Variants in NEB observed in about 807,000 individuals in gnomAD.
NEB encodes nemaline myopathy type 2.
Under a neutral mutation model 952.2 loss-of-function variants are expected in NEB, and 512 were observed. The ratio of observed to expected loss-of-function variants is 0.54; its 90% confidence interval spans 0.50 to 0.58. The LOEUF (loss-of-function observed/expected upper bound fraction) is 0.58, where lower values mean the gene tolerates loss of function less well. NEB is among the 20% of genes least tolerant of loss of function. The probability of loss-of-function intolerance (pLI) is 0.00; values close to 1 mark genes in which losing one functional copy is unlikely to be tolerated. For synonymous variants in NEB, 2,900 were observed against 3,149.8 expected (o/e 0.92, Z 2.66); for missense variants, 8,428 against 9,231.1 (o/e 0.91, Z 3.56).
At chr2:151,612,608 CTCTTTAATGCTAT>C (rs2153984334) in intron 77 of NEB, among the ~76,000 whole-genome samples, 1 of 152,262 alleles carries the variant, frequency 6.6e-6, no homozygotes, top group Admixed American at 6.5e-5. Flanking sequence ...TCATAAAAAT[CTCTTTAATGCTAT>C]TCATTTTCAG....
At chr2:151,504,325 G>C (rs969989420) in intron 165 of NEB, among the ~76,000 whole-genome samples, 1 of 152,124 alleles carries the variant, frequency 6.6e-6, no homozygotes, top group African/African-American at 2.4e-5. Flanking sequence ...TAACAAAGTT[G>C]CATTTCTTTA....
rs1575260886 is a variant in NEB, at chr2:151,655,352, T to C, written c.6725A>G (p.Asn2242Ser). 1.3e-6 allele frequency: 2 copies of C among 1,593,566 alleles called. No homozygotes were observed. Among genetic ancestry groups the C allele is most frequent in the African/African-American group, 1.3e-5 (1 of 74,538 alleles). Residue 2242 changes from asparagine to serine, a missense_variant, in exon 51 of 182, where the codon AAT (asparagine) becomes AGT (serine). Physicochemically the swap from Asn to Ser is conservative, Grantham distance 46 (BLOSUM62 1). Around this residue, in one of 11 missense-constraint regions of NEB, gnomAD observed 2,851 missense variants for 2,791.5 expected, o/e 1.02. Coordinates refer to ENST00000397345, the MANE Select transcript of NEB (RefSeq NM_001164508.2). ...MNKHLYTIDWNKDKTKIHVMP... is the reference protein window; with the variant it reads ...MNKHLYTIDWSKDKTKIHVMP... ...CACATGAATCTTGGTCTTATCTTTATTCCAATCAATGGTGTATAAATGCTA... is the reference window on the plus strand; with the variant it reads ...CACATGAATCTTGGTCTTATCTTTACTCCAATCAATGGTGTATAAATGCTA...
rs758907973 is a variant in NEB, at chr2:151,694,367, G to C, written c.1852C>G (p.Pro618Ala). ...ACCTTCAAGGAGTGCAGCATCTTGG[G>C]ATCGTCATTAATGCTGAGGACTCCA... ...MIGVLSINDD[P>A]KMLHSLKVAK... The change falls in exon 20 of 182, where the codon CCC (proline) becomes GCC (alanine). Residue 618 changes from proline to alanine, a missense_variant. Physicochemically the swap from Pro to Ala is conservative, Grantham distance 27. Transcript: ENST00000397345. 1 of 1,613,984 alleles carries C rather than the reference G, an allele frequency of 6.2e-7. No homozygotes were observed. The highest frequency in any genetic ancestry group is 8.5e-7 in the Non-Finnish European group (1 of 1,179,874).
Position 151,724,927 on chromosome 2 carries a change from G to A in NEB, c.437C>T (p.Thr146Ile), listed in dbSNP as rs763704544. ...KYRMDGDVAK[T>I]ICHVDEKAKD... ...TGCTTTTTCATCTACGTGACATATA[G>A]TCTTAGCAACATCACCATCCATTCG... Residue 146 changes from threonine to isoleucine, a missense_variant, in exon 7 of 182, where the codon ACT becomes ATT. Physicochemically the swap from Thr to Ile is moderately conservative, Grantham distance 89. Coordinates refer to ENST00000397345, the MANE Select transcript of NEB (RefSeq NM_001164508.2). 3.7e-6 allele frequency: 6 copies of A among 1,613,674 alleles called. No homozygotes were observed. The East Asian group carries it at 1.3e-4, about 36-fold the overall frequency.
chr2:151,647,610 G>A (rs886485560), intron 54 of NEB, among the ~76,000 whole-genome samples: 1 of 152,160 alleles, frequency 6.6e-6, no homozygotes, highest in Non-Finnish European at 1.5e-5. Flanking sequence ...TACTGAGGAG[G>A]ACACAATGTG....
intron 161 of NEB, among the ~76,000 whole-genome samples, chr2:151,509,860 G>A (rs888308327): frequency 6.6e-5 from 10 of 152,082 alleles, no homozygotes; most frequent in African/African-American, 1.7e-4. Context: ...CACCCACCTC[G>A]GTCTCCCAAA....
At chr2:151,574,155 T>C (rs922034075) in intron 107 of NEB, among the ~76,000 whole-genome samples, 1 of 152,162 alleles carries the variant, frequency 6.6e-6, no homozygotes, top group Non-Finnish European at 1.5e-5. Flanking sequence ...TTTGTATTTT[T>C]AGTAGAGACA....
intron 36 of NEB, 54 bp downstream of exon 36, chr2:151,674,423 T>C (rs567547678): frequency 2.3e-6 from 3 of 1,308,924 alleles, no homozygotes; most frequent in Admixed American, 3.4e-5. Flanking sequence ...AACAAGCATT[T>C]GATTACTTTT....
At chr2:151,617,505 A>T (rs757918484) in intron 74 of NEB, 37 bp from the exon 75 acceptor site, 1 of 1,229,466 alleles carries the variant, frequency 8.1e-7, no homozygotes, top group Non-Finnish European at 1.1e-6. Context: ...GAGAGAGAGA[A>T]AAATTATTTT....
intron 162 of NEB, chr2:151,507,696 G>A (rs1235534802): frequency 2.1e-5 from 6 of 290,886 alleles, no homozygotes; most frequent in Non-Finnish European, 3.2e-5. Context: ...AATAAATTGT[G>A]TGTCTCTCTT....
In NEB at chr2:151,608,589, G is replaced by A; in HGVS notation, c.12418C>T (p.Gln4140Ter). ...TAGAGTCTTTCATTCACGAGGTCTT[G>A]AGCAACCTTCACTCTGTTCATTTCC... ...SVEMNRVKVA[Q>*]DLVNERLYRT... The change falls in exon 82 of 182, where the codon CAA becomes TAA. Residue 4140 changes from glutamine (Q) to a stop codon, truncating the protein, a stop_gained. Coordinates refer to ENST00000397345, the MANE Select transcript of NEB (RefSeq NM_001164508.2). LOFTEE classifies it high-confidence loss of function. 1 of 140,284 alleles carries A rather than the reference G, an allele frequency of 7.1e-6. No individual in the cohort carries two copies. Among genetic ancestry groups the A allele is most frequent in the South Asian group, 9.1e-5 (1 of 10,950 alleles). 8.7% of individuals were successfully genotyped at this position (140,284 alleles called of 1,614,324 possible).
intron 156 of NEB, among the ~76,000 whole-genome samples, chr2:151,517,137 G>C (rs2078190746): frequency 6.6e-6 from 1 of 152,132 alleles, no homozygotes; most frequent in South Asian, 2.1e-4. Flanking sequence ...CATATTGACT[G>C]ACTTGTTAAA....
At position 151,554,507 on chromosome 2, in the gene NEB, C is replaced by A. The variant is rs146055982; in HGVS notation, c.19428+424G>T. On this transcript the variant is annotated intron_variant, in intron 125 of 181. Coordinates refer to ENST00000397345, the MANE Select transcript of NEB (RefSeq NM_001164508.2). ...CCAAGAGGTAGAGGCTTGCAGTGAG[C>A]TGTGATTGCACCACTGCCCTCCAGC... Among the ~76,000 whole-genome samples, 487 of 152,246 alleles carry A rather than the reference C, an allele frequency of 3.2e-3. 2 individuals carry two copies. Among genetic ancestry groups the A allele is most frequent in the Non-Finnish European group, 5.3e-3 (361 of 68,024 alleles).
chr2:151,639,806 G>T lies in NEB; in HGVS notation c.8889+51C>A. On this transcript the variant is annotated intron_variant, in intron 62 of 181. Transcript: ENST00000397345. ...CTTTCCTCATTAATGTTTCTTTTTT[G>T]TTGATTCAGCTTTAGGAGCCCCACT... is the stretch of plus-strand genomic sequence containing the variant. The T allele has an allele frequency of 2.4e-5, 34 of 1,437,008 alleles. No individual in the cohort carries two copies. In the Admixed American group the frequency reaches 2.7e-4, roughly 11 times the overall value. The allele number at this position is 1,437,008 out of a possible 1,614,324, so 89.0% of individuals were successfully genotyped here.
intron 12 of NEB, among the ~76,000 whole-genome samples, chr2:151,708,434 C>G (rs1042647187): frequency 5.9e-5 from 9 of 152,182 alleles, no homozygotes; most frequent in Admixed American, 3.9e-4. Context: ...ACATTTGACA[C>G]AGTTGATGAC....
chr2:151,666,363 C>G lies in NEB; in HGVS notation c.4758G>C (p.Lys1586Asn), dbSNP rs1215467775. 1 of 1,613,718 alleles carries G rather than the reference C, an allele frequency of 6.2e-7. No homozygotes were observed. Among genetic ancestry groups the G allele is most frequent in the East Asian group, 2.2e-5 (1 of 44,878 alleles). The change falls in exon 41 of 182, where the codon AAG becomes AAC. Residue 1586 changes from lysine (K) to asparagine (N), a missense_variant. By Grantham distance (94) the Lys-to-Asn change is moderately conservative. This residue lies in a region of NEB where 2,851 missense variants were observed against 2,791.5 expected (regional missense o/e 1.02). Coordinates refer to ENST00000397345, the MANE Select transcript of NEB (RefSeq NM_001164508.2). Reference sequence around the variant, plus strand: ...CCTGAAGACTGAGAAATCCAACTTGCTTGCCTTTGGCTTTCTCGTAGGCCT... The same window carrying G: ...CCTGAAGACTGAGAAATCCAACTTGGTTGCCTTTGGCTTTCTCGTAGGCCT... The part of the protein sequence containing the change: ...YKEAYEKAKG[K>N]QVGFLSLQDD...
chr2:151,576,747 C>G (rs1035029422), intron 105 of NEB, among the ~76,000 whole-genome samples: 1 of 151,536 alleles, frequency 6.6e-6, no homozygotes, highest in Non-Finnish European at 1.5e-5. Flanking sequence ...GCTAGCCAGG[C>G]TGGTCTCAAA....
intron 63 of NEB, 136 bp from the exon 64 acceptor site, chr2:151,636,470 GT>G (rs2098765189): frequency 8.4e-6 from 6 of 712,144 alleles, no homozygotes; most frequent in Non-Finnish European, 1.1e-5. Context: ...CCTTCTGCAT[GT>G]TTGTTGAAGT....
intron 42 of NEB, 59 bp downstream of exon 42, chr2:151,665,274 G>A: frequency 6.6e-7 from 1 of 1,510,476 alleles, no homozygotes; most frequent in South Asian, 1.1e-5. Context: ...GCACTGCCAG[G>A]CTCAATGTCA....
Sources: allele counts gnomAD v4.1 joint callset (sites outside exome capture counted in the v4.1 genomes callset), GRCh38; gene constraint gnomAD v4.1.1; regional missense constraint gnomAD v4.1.1; transcripts MANE v1.5; gene names NCBI Gene and HGNC (gene_info 2026-07-23, HGNC 2026-07-21).